ARHGAP32: variants seen among roughly 807,000 people sequenced by gnomAD.
ARHGAP32 encodes rho GTPase-activating protein 32.
In ARHGAP32, 51 loss-of-function variants were observed where a neutral mutation model predicts 186.5. The ratio of observed to expected loss-of-function variants is 0.27; its 90% CI spans 0.22 to 0.35. The LOEUF is 0.35. Among genes scored for constraint, ARHGAP32 ranks in the 10% least tolerant of loss-of-function variants. ARHGAP32 has a pLI of 1.00. For synonymous variants in ARHGAP32, 950 were observed against 964.3 expected (o/e 0.99, Z 0.27); for missense variants, 2,186 against 2,623.5 (o/e 0.83, Z 3.64).
intron 5 of ARHGAP32, among the ~76,000 whole-genome samples, chr11:129,109,534 C>G (rs1186219693): frequency 6.6e-6 from 1 of 151,996 alleles, no homozygotes; most frequent in Non-Finnish European, 1.5e-5. Context: ...CATTTATATT[C>G]CTGACAACAG....
At chr11:129,248,482 A>G (rs1211195001) in intron 1 of ARHGAP32, among the ~76,000 whole-genome samples, 1 of 152,186 alleles carries the variant, frequency 6.6e-6, no homozygotes, top group Admixed American at 6.5e-5. Context: ...CAACACCTCA[A>G]CAACTCCTGA....
In ARHGAP32 at chr11:128,973,353, T is replaced by C. The variant is rs1945447644; in HGVS notation, c.3153A>G (p.Lys1051=). The C allele has an allele frequency of 6.2e-7, 1 of 1,613,982 alleles. No homozygotes were observed. The highest frequency in any genetic ancestry group is 1.7e-4 in the Middle Eastern group (1 of 6,042). ...VSLIPPPPPP[K]NVARMLALAL... ...CTAGCGCCAACATTCGGGCAACATT[T>C]TTCGGAGGCGGTGGTGGTGGGATAA... The change falls in exon 22 of 23, where the codon AAA becomes AAG. Residue 1051 remains lysine (K), a synonymous_variant. Coordinates refer to ENST00000682385, the MANE Select transcript of ARHGAP32 (RefSeq NM_001378024.1).
rs1392282006 is a variant in ARHGAP32, at chr11:129,121,975, T to C, written c.444+1471A>G. Among the ~76,000 whole-genome samples the C allele has an allele frequency of 1.1e-4, 16 of 152,162 alleles. No homozygotes were observed. The East Asian group carries it at 2.9e-3, about 28-fold the overall frequency. On this transcript the variant is annotated intron_variant, in intron 5 of 22. Coordinates refer to ENST00000682385, the MANE Select transcript of ARHGAP32 (RefSeq NM_001378024.1). ...CTTTAAATATAAAATAATAAAAGTTTAGAACTATGATACTATTTAGCACAA... is the reference window on the plus strand; with the variant it reads ...CTTTAAATATAAAATAATAAAAGTTCAGAACTATGATACTATTTAGCACAA...
At chr11:129,160,250 A>C (rs1943501010) in intron 2 of ARHGAP32, among the ~76,000 whole-genome samples, 1 of 152,210 alleles carries the variant, frequency 6.6e-6, no homozygotes, top group South Asian at 2.1e-4. Flanking sequence ...TGTTCTGGCC[A>C]GGGAAATCAG....
intron 11 of ARHGAP32, among the ~76,000 whole-genome samples, chr11:129,012,136 G>A (rs1217894286): frequency 4.6e-5 from 7 of 152,088 alleles, no homozygotes; most frequent in Non-Finnish European, 1.0e-4. Context: ...AAAGGACCAC[G>A]TGCTTAGTGG....
At chr11:129,002,367 T>C (rs1351318075) in intron 11 of ARHGAP32, among the ~76,000 whole-genome samples, 2 of 152,224 alleles carry the variant, frequency 1.3e-5, no homozygotes, top group Non-Finnish European at 2.9e-5. Flanking sequence ...TAAATGGGAT[T>C]GCTTTCTTGA....
At chr11:129,031,182 A>G (rs776597257) in intron 11 of ARHGAP32, among the ~76,000 whole-genome samples, 11 of 152,248 alleles carry the variant, frequency 7.2e-5, no homozygotes, top group Non-Finnish European at 1.5e-4. Flanking sequence ...AATAAATAGT[A>G]TCTTAAATAA....
chr11:129,031,738 G>T (rs184837353), intron 11 of ARHGAP32, among the ~76,000 whole-genome samples: 1 of 152,318 alleles, frequency 6.6e-6, no homozygotes, highest in African/African-American at 2.4e-5. Flanking sequence ...GTGAGAACAT[G>T]CATTCCTGTT....
rs375209707 is a variant in ARHGAP32, at chr11:128,981,599, T to C, written c.1635-38A>G. On this transcript the variant is annotated intron_variant, in intron 16 of 22. Transcript: ENST00000682385. ...CATTTTCATCACAGAGTTGTAAAGATAGCAGTCGTCAAGGGCCTCTTTTTT... is the reference window on the plus strand; with the variant it reads ...CATTTTCATCACAGAGTTGTAAAGACAGCAGTCGTCAAGGGCCTCTTTTTT... 78 of 1,579,764 alleles carry C rather than the reference T, an allele frequency of 4.9e-5. No individual in the cohort carries two copies. In the African/African-American group the frequency reaches 6.1e-4, roughly 12 times the overall value.
At chr11:129,276,111 T>C (rs2135735153) in intron 1 of ARHGAP32, among the ~76,000 whole-genome samples, 1 of 152,348 alleles carries the variant, frequency 6.6e-6, no homozygotes, top group Admixed American at 6.5e-5. Context: ...ACCCTGACTC[T>C]ATTAAATTTT....
At chr11:129,150,162 T>G (rs575154766) in intron 2 of ARHGAP32, among the ~76,000 whole-genome samples, 8 of 147,856 alleles carry the variant, frequency 5.4e-5, no homozygotes, top group African/African-American at 1.7e-4. Context: ...TCCAAGAAAT[T>G]AGGGATTATG....
intron 3 of ARHGAP32, among the ~76,000 whole-genome samples, chr11:129,124,504 T>A (rs979146301): frequency 1.3e-5 from 2 of 152,114 alleles, no homozygotes; most frequent in African/African-American, 4.8e-5. Flanking sequence ...TATTTCTGAA[T>A]GAATGAGAGC....
rs138212972 is a variant in ARHGAP32, at chr11:129,181,703, G to A, written c.116+10380C>T. 1.9e-3 allele frequency among the ~76,000 whole-genome samples: 288 copies of A among 152,194 alleles called. 1 individual carries two copies. Among genetic ancestry groups the A allele is most frequent in the Admixed American group, 0.011 (175 of 15,274 alleles). On this transcript the variant is annotated intron_variant, in intron 1 of 22. Transcript: ENST00000682385. Reference sequence around the variant, plus strand: ...CATTGGTGGTGACTATGGAACAGAGGTTTGCTGAAGCCAGTTGGAATTCAG... The same window carrying A: ...CATTGGTGGTGACTATGGAACAGAGATTTGCTGAAGCCAGTTGGAATTCAG...
intron 6 of ARHGAP32, among the ~76,000 whole-genome samples, chr11:129,079,061 CA>C (rs1406678526): frequency 6.6e-6 from 1 of 151,528 alleles, no homozygotes; most frequent in Non-Finnish European, 1.5e-5. Flanking sequence ...CCAACAAAGA[CA>C]AAGGAAAAAA....
At chr11:129,055,967 A>C (rs919363919) in intron 10 of ARHGAP32, among the ~76,000 whole-genome samples, 1 of 152,228 alleles carries the variant, frequency 6.6e-6, no homozygotes, top group African/African-American at 2.4e-5. Context: ...AACAAAAAGT[A>C]AGCCCCAAAA....
At chr11:128,985,747 G>T (rs1397534432) in intron 15 of ARHGAP32, 3 of 163,546 alleles carry the variant, frequency 1.8e-5, no homozygotes, top group African/African-American at 7.2e-5. Flanking sequence ...GCCAGGCCCT[G>T]GGGATCTAAG....
rs560884041 is a variant in ARHGAP32, at chr11:129,156,696, A to T, written c.225+7623T>A. 1.2e-4 allele frequency among the ~76,000 whole-genome samples: 18 copies of T among 152,308 alleles called. No homozygotes were observed. The South Asian group carries it at 2.5e-3, about 21-fold the overall frequency. On this transcript the variant is annotated intron_variant, in intron 2 of 22. Transcript: ENST00000682385. ...CTGCCTGCCAACTCTGAAGAGAGCA[A>T]TGGATCTCCCAGCACAGCGCTGGAG...
chr11:129,278,636 T>A (rs997278537), intron 1 of ARHGAP32, among the ~76,000 whole-genome samples: 5 of 151,880 alleles, frequency 3.3e-5, no homozygotes, highest in Admixed American at 3.3e-4. Context: ...CTTCAGTCAA[T>A]CGGAAAGACG....
intron 10 of ARHGAP32, among the ~76,000 whole-genome samples, chr11:129,053,077 T>TA (rs998580836): frequency 7.9e-5 from 12 of 151,316 alleles, no homozygotes; most frequent in East Asian, 3.9e-4. Flanking sequence ...TAAAGTATAA[T>TA]AAAAAAAAGA....
Sources: gnomAD v4.1 joint callset for allele counts (sites outside exome capture counted in the v4.1 genomes callset) on GRCh38, gnomAD v4.1.1 for gene constraint, MANE v1.5 for transcripts, NCBI Gene and HGNC (gene_info 2026-07-23, HGNC 2026-07-21) for gene names.